The following KDM4B variants were observed in gnomAD, a reference collection of about 807,000 sequenced individuals.
KDM4B encodes lysine demethylase 4B.
KDM4B carries 32 observed loss-of-function variants against 125.2 expected under a neutral mutation model. The ratio of observed to expected loss-of-function variants is 0.26; its 90% confidence interval spans 0.19 to 0.34. The LOEUF is 0.34. Among genes scored for constraint, KDM4B ranks in the 10% least tolerant of loss-of-function variants. The probability of loss-of-function intolerance (pLI) is 1.00; values close to 1 mark genes in which losing one functional copy is unlikely to be tolerated. For missense variants in KDM4B, 1,190 were observed against 1,577.7 expected, an observed-to-expected ratio of 0.75 and a Z score of 4.16; for synonymous variants, 721 against 677.9, an observed-to-expected ratio of 1.06 and a Z score of -0.99.
chr19:4,976,249 CAAA>C (rs11327138), intron 1 of KDM4B, among the ~76,000 whole-genome samples: 7 of 85,530 alleles, frequency 8.2e-5, no homozygotes, highest in Admixed American at 1.3e-4. Context: ...AACTCAGTCT[CAAA>C]AAAAAAAAAA....
chr19:5,033,080 G>A (rs771245450), intron 3 of KDM4B, 49 bp downstream of exon 3: 14 of 1,592,494 alleles, frequency 8.8e-6, no homozygotes, highest in South Asian at 2.2e-5. Context: ...CCTGCGCCGC[G>A]GGCCTGCGGA....
intron 1 of KDM4B, among the ~76,000 whole-genome samples, chr19:4,999,043 G>T (rs1277041949): frequency 6.6e-6 from 1 of 152,158 alleles, no homozygotes; most frequent in Non-Finnish European, 1.5e-5. Context: ...CTCATGGGGA[G>T]GCCAGTGTAA....
intron 7 of KDM4B, among the ~76,000 whole-genome samples, chr19:5,073,433 G>C (rs946708723): frequency 2.6e-5 from 4 of 152,256 alleles, no homozygotes; most frequent in African/African-American, 9.6e-5. Flanking sequence ...GCTTCACCCA[G>C]GCGGGCCCCT....
Position 5,008,218 on chromosome 19 carries a change from T to C in KDM4B, c.-108-8039T>C, listed in dbSNP as rs545148376. ...GGTGTGAGGTAAGGGTCCACCTTCA[T>C]TTTTTGTGTGTGAATATCCAGCTGT... On this transcript the variant is annotated intron_variant, in intron 1 of 22. Coordinates refer to ENST00000159111, the MANE Select transcript of KDM4B (RefSeq NM_015015.3). 7.9e-5 allele frequency among the ~76,000 whole-genome samples: 12 copies of C among 152,376 alleles called. No homozygotes were observed. In the East Asian group the frequency reaches 2.1e-3, roughly 27 times the overall value.
chr19:5,120,173 A>G (rs1037926932), intron 11 of KDM4B, among the ~76,000 whole-genome samples: 2 of 152,172 alleles, frequency 1.3e-5, no homozygotes, highest in African/African-American at 4.8e-5. Flanking sequence ...GTCTCTACTT[A>G]TGATATAAAA....
At chr19:5,066,703 C>T (rs1030864853) in intron 6 of KDM4B, among the ~76,000 whole-genome samples, 7 of 152,226 alleles carry the variant, frequency 4.6e-5, no homozygotes, top group Non-Finnish European at 1.0e-4. Flanking sequence ...GAGCCTTCTG[C>T]GGCCAGCACC....
At chr19:5,036,784 C>T (rs948948885) in intron 3 of KDM4B, among the ~76,000 whole-genome samples, 2 of 152,270 alleles carry the variant, frequency 1.3e-5, no homozygotes, top group African/African-American at 4.8e-5. Context: ...CGCCTGGAGC[C>T]CTCCTTCTGG....
chr19:5,019,643 T>C (rs1158776342), intron 2 of KDM4B, among the ~76,000 whole-genome samples: 1 of 147,538 alleles, frequency 6.8e-6, no homozygotes. Flanking sequence ...CAGGTGTTTG[T>C]GTGGACGTTG....
chr19:5,056,865 A>T (rs1481550502), intron 6 of KDM4B, among the ~76,000 whole-genome samples: 11 of 109,254 alleles, frequency 1.0e-4, no homozygotes, highest in African/African-American at 3.8e-4. Context: ...TGGGGCGGGG[A>T]GTCCTGGGGC....
At chr19:4,972,313 C>G (rs2034288787) in intron 1 of KDM4B, among the ~76,000 whole-genome samples, 1 of 150,854 alleles carries the variant, frequency 6.6e-6, no homozygotes, top group Non-Finnish European at 1.5e-5. Context: ...GCTTTCTTCT[C>G]TGTAAAATGG....
chr19:5,106,446 C>A (rs995135941), intron 9 of KDM4B, among the ~76,000 whole-genome samples: 1 of 152,200 alleles, frequency 6.6e-6, no homozygotes, highest in Non-Finnish European at 1.5e-5. Flanking sequence ...CTCCTCCTTG[C>A]ATCCTCCTGA....
chr19:5,032,790 G>A (rs1038729663), intron 2 of KDM4B, 76 bp from the exon 3 acceptor site: 44 of 1,410,240 alleles, frequency 3.1e-5, no homozygotes, highest in Admixed American at 7.8e-5. Context: ...AGCACGCTCC[G>A]TTCTGAGGGA....
At chr19:4,974,143 A>G (rs911106551) in intron 1 of KDM4B, among the ~76,000 whole-genome samples, 5 of 151,832 alleles carry the variant, frequency 3.3e-5, no homozygotes, top group South Asian at 2.1e-4. Context: ...TCACGCCTGT[A>G]AAGCCAGCAC....
intron 9 of KDM4B, among the ~76,000 whole-genome samples, chr19:5,095,616 G>T (rs2038805070): frequency 6.6e-6 from 1 of 152,226 alleles, no homozygotes; most frequent in East Asian, 1.9e-4. Context: ...CCACAGTGTG[G>T]ATCAGATCGC....
At chr19:5,024,903 G>A (rs773569427) in intron 2 of KDM4B, among the ~76,000 whole-genome samples, 14 of 152,320 alleles carry the variant, frequency 9.2e-5, no homozygotes, top group Non-Finnish European at 1.5e-4. Flanking sequence ...AGCTGAGATC[G>A]CGCCACTGCA....
chr19:5,011,751 G>A (rs1307612589), intron 1 of KDM4B, among the ~76,000 whole-genome samples: 1 of 152,224 alleles, frequency 6.6e-6, no homozygotes, highest in Non-Finnish European at 1.5e-5. Context: ...CCAACTTTCG[G>A]AACCCACCCG....
At chr19:5,020,223 G>A (rs2036068179) in intron 2 of KDM4B, among the ~76,000 whole-genome samples, 1 of 147,998 alleles carries the variant, frequency 6.8e-6, no homozygotes. Context: ...GCAGGTGTTA[G>A]TGTGCAGGTG....
intron 6 of KDM4B, among the ~76,000 whole-genome samples, chr19:5,058,248 A>C (rs2037471525): frequency 6.6e-6 from 1 of 152,122 alleles, no homozygotes. Flanking sequence ...CGGAGTGCTC[A>C]TGCCTGCTCA....
rs1200868850 is a variant in KDM4B at position 5,129,768 on chromosome 19, C to G, written c.1316-1308C>G. Among the ~76,000 whole-genome samples the G allele has an allele frequency of 2.6e-5, 4 of 152,236 alleles. No homozygotes were observed. The East Asian group carries it at 7.7e-4, about 29-fold the overall frequency. On this transcript the variant is annotated intron_variant, in intron 11 of 22. Transcript: ENST00000159111. ...CACAGGTGGGGGCCTGAGCCCCTGT[C>G]CCCCTCCTCCAGATGGAGCAGGCAG...
Sources: gnomAD v4.1 joint callset for allele counts (sites outside exome capture counted in the v4.1 genomes callset) on GRCh38, gnomAD v4.1.1 for gene constraint, MANE v1.5 for transcripts, NCBI Gene and HGNC (gene_info 2026-07-23, HGNC 2026-07-21) for gene names.